Variants in MTUS2 observed in about 807,000 individuals in gnomAD.
MTUS2 encodes the protein microtubule-associated tumor suppressor candidate 2.
In MTUS2, 40 loss-of-function variants were observed where a neutral mutation model predicts 114.1. The ratio of observed to expected loss-of-function variants is 0.35; its 90% CI spans 0.27 to 0.46. The LOEUF is 0.46. MTUS2 is among the 20% of genes least tolerant of loss of function. MTUS2 has a pLI of 1.00. For synonymous variants in MTUS2, 688 were observed against 672.0 expected (o/e 1.02, Z -0.37); for missense variants, 1,679 against 1,705.4 (o/e 0.98, Z 0.27).
intron 8 of MTUS2, among the ~76,000 whole-genome samples, chr13:29,405,709 AATTAT>A (rs1339230250): frequency 6.6e-6 from 1 of 151,534 alleles, no homozygotes; most frequent in Admixed American, 6.6e-5. Context: ...AATTATAAAG[AATTAT>A]ATTATGACGA....
intron 2 of MTUS2, among the ~76,000 whole-genome samples, chr13:28,881,124 T>A (rs1769436683): frequency 6.6e-6 from 1 of 152,214 alleles, no homozygotes; most frequent in Non-Finnish European, 1.5e-5. Context: ...AAGCCCTCAC[T>A]GCCCCTGCCT....
At chr13:29,298,015 A>G (rs910652436) in intron 6 of MTUS2, among the ~76,000 whole-genome samples, 3 of 152,186 alleles carry the variant, frequency 2.0e-5, no homozygotes, top group Admixed American at 1.3e-4. Context: ...TTCATATGTC[A>G]AATACAAAAT....
At chr13:29,257,517 T>A (rs1216230983) in intron 5 of MTUS2, among the ~76,000 whole-genome samples, 1 of 152,198 alleles carries the variant, frequency 6.6e-6, no homozygotes, top group Non-Finnish European at 1.5e-5. Context: ...CACAGCATGA[T>A]CAACAATCCA....
chr13:29,160,127 C>G (rs117184258), intron 5 of MTUS2, among the ~76,000 whole-genome samples: 4 of 152,162 alleles, frequency 2.6e-5, no homozygotes, highest in African/African-American at 9.7e-5. Context: ...GATTAAACAA[C>G]TGTGGCACAT....
intron 6 of MTUS2, among the ~76,000 whole-genome samples, chr13:29,310,190 T>G (rs1899688694): frequency 6.6e-6 from 1 of 152,186 alleles, no homozygotes; most frequent in Non-Finnish European, 1.5e-5. Flanking sequence ...ACAATAACCT[T>G]GTGGAGTAGC....
chr13:29,241,543 C>G (rs1280794424), intron 5 of MTUS2, among the ~76,000 whole-genome samples: 1 of 152,118 alleles, frequency 6.6e-6, no homozygotes, highest in Non-Finnish European at 1.5e-5. Context: ...CGCCCTCCCC[C>G]AGGTGGAATT....
chr13:29,238,050 C>A (rs1354140916), intron 5 of MTUS2, among the ~76,000 whole-genome samples: 2 of 152,164 alleles, frequency 1.3e-5, no homozygotes, highest in African/African-American at 4.8e-5. Flanking sequence ...GATCCAGCAA[C>A]CTCATGACAG....
At chr13:28,823,365 C>T (rs943594469) in intron 1 of MTUS2, among the ~76,000 whole-genome samples, 1 of 152,248 alleles carries the variant, frequency 6.6e-6, no homozygotes, top group Non-Finnish European at 1.5e-5. Context: ...CTACCACACA[C>T]ATGTTTGAAA....
intron 8 of MTUS2, among the ~76,000 whole-genome samples, chr13:29,433,282 T>C (rs1468687651): frequency 6.6e-6 from 1 of 152,220 alleles, no homozygotes; most frequent in Admixed American, 6.5e-5. Flanking sequence ...TCATTTTGAT[T>C]TCTTCTAATA....
chr13:29,019,929 T>A (rs772071077), intron 2 of MTUS2, among the ~76,000 whole-genome samples: 3 of 152,000 alleles, frequency 2.0e-5, no homozygotes, highest in Non-Finnish European at 4.4e-5. Context: ...TGACAAGGAG[T>A]AGAATAGGTT....
At chr13:29,085,043 C>T (rs981389366) in intron 4 of MTUS2, among the ~76,000 whole-genome samples, 49 of 152,078 alleles carry the variant, frequency 3.2e-4, no homozygotes, top group African/African-American at 1.1e-3. Context: ...TTGCTCAGTT[C>T]GTTCATGCAA....
At chr13:29,461,265 T>C (rs758263372) in intron 9 of MTUS2, among the ~76,000 whole-genome samples, 2 of 152,176 alleles carry the variant, frequency 1.3e-5, no homozygotes, top group Admixed American at 6.5e-5. Flanking sequence ...TCTCCCATGA[T>C]AATGACATTA....
At chr13:29,228,906 A>G (rs995765623) in intron 5 of MTUS2, among the ~76,000 whole-genome samples, 2 of 152,168 alleles carry the variant, frequency 1.3e-5, no homozygotes, top group African/African-American at 4.8e-5. Context: ...ATAACAACAT[A>G]GCTCTGGGAA....
At chr13:29,401,552 G>A (rs1874351413) in intron 8 of MTUS2, among the ~76,000 whole-genome samples, 1 of 151,988 alleles carries the variant, frequency 6.6e-6, no homozygotes, top group Admixed American at 6.6e-5. Flanking sequence ...GAGATAGAGG[G>A]GTTTTTTCCC....
intron 2 of MTUS2, among the ~76,000 whole-genome samples, chr13:28,990,531 G>C (rs1566274113): frequency 6.6e-6 from 1 of 151,974 alleles, no homozygotes; most frequent in Non-Finnish European, 1.5e-5. Context: ...GTACCAATCA[G>C]CAATCTGTGT....
At chr13:29,353,385 C>T (rs1869462082) in intron 7 of MTUS2, among the ~76,000 whole-genome samples, 1 of 152,246 alleles carries the variant, frequency 6.6e-6, no homozygotes, top group East Asian at 1.9e-4. Flanking sequence ...TGCCCAGGGT[C>T]GTCAACCCTG....
intron 2 of MTUS2, among the ~76,000 whole-genome samples, chr13:28,934,059 C>T (rs1463629489): frequency 4.6e-5 from 7 of 152,128 alleles, no homozygotes; most frequent in Admixed American, 4.6e-4. Flanking sequence ...ATTACACTTC[C>T]CAGGAGTGGA....
At chr13:29,030,336 C>G (rs889334255) in intron 3 of MTUS2, among the ~76,000 whole-genome samples, 3 of 152,160 alleles carry the variant, frequency 2.0e-5, no homozygotes, top group African/African-American at 7.2e-5. Flanking sequence ...CCAAAGTCTT[C>G]TTCAAAGAAT....
intron 8 of MTUS2, among the ~76,000 whole-genome samples, chr13:29,430,827 C>T (rs796408318): frequency 2.6e-5 from 4 of 152,290 alleles, no homozygotes; most frequent in African/African-American, 9.6e-5. Context: ...ACTTCAAACT[C>T]TAGAAATCAG....
Sources: gnomAD v4.1 joint callset for allele counts (sites outside exome capture counted in the v4.1 genomes callset) on GRCh38, gnomAD v4.1.1 for gene constraint, MANE v1.5 for transcripts, NCBI Gene and HGNC (gene_info 2026-07-23, HGNC 2026-07-21) for gene names.